The following DCLK1 variants were observed in gnomAD, a reference collection of about 807,000 sequenced individuals.
DCLK1 encodes doublecortin like kinase 1, also known as serine/threonine-protein kinase DCLK1.
Under a neutral mutation model 86.2 loss-of-function variants are expected in DCLK1, and 16 were observed. The ratio of observed to expected loss-of-function variants is 0.19; its 90% CI spans 0.13 to 0.28. The LOEUF (loss-of-function observed/expected upper bound fraction) is 0.28, where lower values mean the gene tolerates loss of function less well. DCLK1 is among the 10% of genes least tolerant of loss of function. DCLK1 has a pLI of 1.00. For synonymous variants in DCLK1, 369 were observed against 370.5 expected (o/e 1.00, Z 0.05); for missense variants, 590 against 940.2 (o/e 0.63, Z 4.87).
rs190189464 is a variant in DCLK1 at position 36,110,760 on chromosome 13, T to C, written c.723+1109A>G. Among the ~76,000 whole-genome samples the C allele has an allele frequency of 5.9e-5, 9 of 152,022 alleles. No homozygotes were observed. In the East Asian group the frequency reaches 9.7e-4, roughly 16 times the overall value. On this transcript the variant is annotated intron_variant, in intron 3 of 16. Transcript: ENST00000360631. The stretch of plus-strand genomic sequence containing the variant: ...TTAAAAACTAAACTTCCAGCAAAGA[T>C]AGTGTGCTCAAAAGTATAATCTGGT...
At chr13:35,855,092 C>T (rs1870952726) in intron 5 of DCLK1, among the ~76,000 whole-genome samples, 1 of 152,210 alleles carries the variant, frequency 6.6e-6, no homozygotes, top group Admixed American at 6.5e-5. Flanking sequence ...TCTTGTCCAT[C>T]CCCCTAGGCT....
rs532604370 is a variant in DCLK1, at chr13:35,957,190, G to A, written c.724-9733C>T. Among the ~76,000 whole-genome samples, 5 of 152,108 alleles carry A rather than the reference G, an allele frequency of 3.3e-5. No homozygotes were observed. In the East Asian group the frequency reaches 7.7e-4, roughly 24 times the overall value. On this transcript the variant is annotated intron_variant, in intron 3 of 16. Transcript: ENST00000360631. ...AAGAGTCACTAATCAGCTAGTGTAA[G>A]GTGCTTTACAGGAATCTTGGCATGC... is the stretch of plus-strand genomic sequence containing the variant.
At position 35,769,536 on chromosome 13, in the gene DCLK1, A is replaced by C. The variant is rs1373319764; in HGVS notation, c.*4999T>G. ...TCAATTTCTTTTTATTTTTTCTGAG[A>C]ATACACCAAAGATTAATGTCAATGG... On this transcript the variant is annotated 3_prime_UTR_variant, in exon 17 of 17. Coordinates refer to ENST00000360631, the MANE Select transcript of DCLK1 (RefSeq NM_001330071.2). 6.6e-6 allele frequency: 1 copy of C among 152,146 alleles called. No homozygotes were observed. Among genetic ancestry groups the C allele is most frequent in the African/African-American group, 2.4e-5 (1 of 41,426 alleles). 9.4% of individuals were successfully genotyped at this position (152,146 alleles called of 1,614,324 possible).
At chr13:36,048,798 G>A (rs557396965) in intron 3 of DCLK1, among the ~76,000 whole-genome samples, 19 of 152,242 alleles carry the variant, frequency 1.2e-4, no homozygotes, top group African/African-American at 4.3e-4. Flanking sequence ...GCAAGTTTAC[G>A]ACTGCCATTA....
intron 3 of DCLK1, among the ~76,000 whole-genome samples, chr13:36,098,427 A>C (rs1395162953): frequency 6.6e-6 from 1 of 152,244 alleles, no homozygotes; most frequent in African/African-American, 2.4e-5. Context: ...CAAATAGGAC[A>C]AACGAAAAGT....
intron 3 of DCLK1, among the ~76,000 whole-genome samples, chr13:36,083,789 A>AC (rs1313337709): frequency 1.3e-5 from 2 of 152,084 alleles, no homozygotes; most frequent in African/African-American, 4.8e-5. Context: ...GGGGCTTGCT[A>AC]CCCCTACCAT....
At chr13:35,872,165 C>CA (rs1872319315) in intron 4 of DCLK1, among the ~76,000 whole-genome samples, 1 of 151,972 alleles carries the variant, frequency 6.6e-6, no homozygotes, top group East Asian at 1.9e-4. Context: ...TAATAATTAA[C>CA]AAAAAAATAT....
At chr13:35,964,883 C>T (rs984152429) in intron 3 of DCLK1, among the ~76,000 whole-genome samples, 1 of 151,894 alleles carries the variant, frequency 6.6e-6, no homozygotes, top group Admixed American at 6.6e-5. Context: ...CTTAGGAACA[C>T]AGCCATGCTC....
chr13:36,112,068 T>C lies in DCLK1; in HGVS notation c.524A>G (p.Glu175Gly). 3.1e-6 allele frequency: 5 copies of C among 1,614,174 alleles called. No homozygotes were observed. The highest frequency in any genetic ancestry group is 4.2e-6 in the Non-Finnish European group (5 of 1,180,030). Residue 175 changes from glutamate to glycine, a missense_variant, in exon 3 of 17, where the codon GAG becomes GGG. Glu to Gly is a moderately conservative substitution (Grantham distance 98, BLOSUM62 -2). Around this residue, in one of 6 missense-constraint regions of DCLK1, gnomAD observed 195 missense variants for 365.1 expected, o/e 0.53. Coordinates refer to ENST00000360631, the MANE Select transcript of DCLK1 (RefSeq NM_001330071.2). ...SLATAKGSPS[E>G]VRENKDFIRP... ...AATGAAATCCTTATTCTCTCGCACC[T>C]CTGAAGGGCTTCCTTTGGCAGTGGC... is the stretch of plus-strand genomic sequence containing the variant.
intron 4 of DCLK1, among the ~76,000 whole-genome samples, chr13:35,889,823 A>G (rs1677909996): frequency 6.6e-6 from 1 of 152,212 alleles, no homozygotes; most frequent in Non-Finnish European, 1.5e-5. Flanking sequence ...AATGAAGAGA[A>G]AATGCACTAA....
intron 3 of DCLK1, among the ~76,000 whole-genome samples, chr13:35,973,035 G>A (rs1879146514): frequency 6.6e-6 from 1 of 152,120 alleles, no homozygotes; most frequent in Non-Finnish European, 1.5e-5. Context: ...GTACATTCTG[G>A]GGCCCACAGC....
At chr13:35,951,349 G>T (rs1421561253) in intron 3 of DCLK1, among the ~76,000 whole-genome samples, 1 of 151,282 alleles carries the variant, frequency 6.6e-6, no homozygotes, top group Non-Finnish European at 1.5e-5. Flanking sequence ...GAAGAACTAT[G>T]TCCTAACCTG....
intron 4 of DCLK1, among the ~76,000 whole-genome samples, chr13:35,885,234 TAAGAC>T (rs1873156472): frequency 6.6e-6 from 1 of 151,946 alleles, no homozygotes; most frequent in South Asian, 2.1e-4. Flanking sequence ...GTAAATGAGG[TAAGAC>T]AAGACTTGGG....
At chr13:35,994,468 C>T (rs936504362) in intron 3 of DCLK1, among the ~76,000 whole-genome samples, 18 of 152,176 alleles carry the variant, frequency 1.2e-4, no homozygotes, top group African/African-American at 4.1e-4. Context: ...ATAAAACATC[C>T]TTGCATCAGG....
chr13:35,814,211 G>A (rs7995297), intron 11 of DCLK1, among the ~76,000 whole-genome samples: 1 of 151,900 alleles, frequency 6.6e-6, no homozygotes, highest in South Asian at 2.1e-4. Context: ...ATAATTAAAC[G>A]TTTGTTAAAA....
rs112869200 is a variant in DCLK1, at chr13:35,912,280, A to G, written c.823+35078T>C. On this transcript the variant is annotated intron_variant, in intron 4 of 16. Transcript: ENST00000360631. ...GGTCCGTGGCAAAATCCCATGTTTG[A>G]GCCAAAAAGCCACAGCACAAAATGA... Among the ~76,000 whole-genome samples the G allele has an allele frequency of 8.2e-3, 1,249 of 152,272 alleles. 22 individuals carry two copies. Among genetic ancestry groups the G allele is most frequent in the African/African-American group, 0.028 (1,181 of 41,530 alleles).
chr13:35,973,107 G>C (rs1002951119), intron 3 of DCLK1, among the ~76,000 whole-genome samples: 1 of 152,170 alleles, frequency 6.6e-6, no homozygotes, highest in Non-Finnish European at 1.5e-5. Flanking sequence ...TGGCAGGTGA[G>C]GGTGGGGCTA....
At chr13:36,104,061 T>G (rs1482011152) in intron 3 of DCLK1, among the ~76,000 whole-genome samples, 1 of 152,226 alleles carries the variant, frequency 6.6e-6, no homozygotes, top group African/African-American at 2.4e-5. Flanking sequence ...CTAGAGTCTT[T>G]CATGAAGAAG....
chr13:35,972,028 C>G (rs1477979987), intron 3 of DCLK1, among the ~76,000 whole-genome samples: 1 of 152,194 alleles, frequency 6.6e-6, no homozygotes, highest in African/African-American at 2.4e-5. Flanking sequence ...TTCTCCTTTT[C>G]CAACTGCTGA....
Sources: gnomAD v4.1 joint callset for allele counts (sites outside exome capture counted in the v4.1 genomes callset) on GRCh38, gnomAD v4.1.1 for gene constraint, gnomAD v4.1.1 regional missense constraint, MANE v1.5 for transcripts, NCBI Gene and HGNC (gene_info 2026-07-23, HGNC 2026-07-21) for gene names.